Variants in PWWP3B observed in about 807,000 individuals in gnomAD.
PWWP3B encodes the protein PWWP domain-containing DNA repair factor 3B.
A neutral mutation model predicts 15.7 loss-of-function variants in PWWP3B; 5 were observed. The ratio of observed to expected loss-of-function variants is 0.32; its 90% CI spans 0.17 to 0.67. The LOEUF (loss-of-function observed/expected upper bound fraction) is 0.67, where lower values mean the gene tolerates loss of function less well. Among genes scored for constraint, PWWP3B ranks in the 30% least tolerant of loss-of-function variants. PWWP3B has a pLI of 0.74. For missense variants in PWWP3B, 519 were observed against 493.1 expected, an observed-to-expected ratio of 1.05 and a Z score of -0.50; for synonymous variants, 203 against 179.8, an observed-to-expected ratio of 1.13 and a Z score of -1.03.
rs766876354 is a variant in PWWP3B, at chrX:106,206,620, C to T, written c.1188C>T (p.Val396=). The T allele has an allele frequency of 1.2e-5, 15 of 1,208,254 alleles. No homozygotes were observed. In the Admixed American group the frequency reaches 3.3e-4, roughly 27 times the overall value. Residue 396 remains valine (V), a synonymous_variant, in exon 4 of 4, where the codon GTC becomes GTT. Coordinates refer to ENST00000357175, the MANE Select transcript of PWWP3B (RefSeq NM_001171020.2). Reference sequence around the variant, plus strand: ...ATCCGTTTGAAACAGGAATGATAGTCTGGTTTAAATATCAGAAATATCCAT... The same window carrying T: ...ATCCGTTTGAAACAGGAATGATAGTTTGGTTTAAATATCAGAAATATCCAT... The part of the protein sequence containing the change: ...ETHPFETGMI[V]WFKYQKYPFW...
At chrX:106,189,711 G>T (rs749675914) in intron 2 of PWWP3B, among the ~76,000 whole-genome samples, 1 of 103,510 alleles carries the variant, frequency 9.7e-6, no homozygotes, top group Admixed American at 1.1e-4. Context: ...TCTGCCTCCC[G>T]GGTTCACGCC....
intron 2 of PWWP3B, among the ~76,000 whole-genome samples, chrX:106,193,026 A>C (rs1314520862): frequency 1.8e-5 from 2 of 111,347 alleles, no homozygotes; most frequent in Non-Finnish European, 3.8e-5. Flanking sequence ...TTGTTGATTT[A>C]GGGTGGAGAG....
chrX:106,178,718 C>G (rs1336874102), intron 2 of PWWP3B, among the ~76,000 whole-genome samples: 1 of 111,484 alleles, frequency 9.0e-6, no homozygotes, highest in Non-Finnish European at 1.9e-5. Flanking sequence ...TGAGCTTAAG[C>G]AGGACAAAAA....
intron 2 of PWWP3B, among the ~76,000 whole-genome samples, chrX:106,173,318 T>C (rs2147581515): frequency 8.9e-6 from 1 of 111,828 alleles, no homozygotes; most frequent in Non-Finnish European, 1.9e-5. Flanking sequence ...TCCCACACAA[T>C]TCCTTTTTTA....
chrX:106,190,776 TC>T (rs1161367553), intron 2 of PWWP3B, among the ~76,000 whole-genome samples: 1 of 112,081 alleles, frequency 8.9e-6, no homozygotes, highest in Non-Finnish European at 1.9e-5. Flanking sequence ...TAGCCAGTTT[TC>T]CCAGCACTGT....
chrX:106,203,148 A>G (rs989951193), intron 2 of PWWP3B, among the ~76,000 whole-genome samples: 2 of 111,716 alleles, frequency 1.8e-5, no homozygotes, highest in African/African-American at 6.5e-5. Context: ...TTCAAATGAG[A>G]TACATTTATC....
At chrX:106,194,655 T>C (rs938698155) in intron 2 of PWWP3B, among the ~76,000 whole-genome samples, 4 of 111,700 alleles carry the variant, frequency 3.6e-5, no homozygotes, top group African/African-American at 6.5e-5. Flanking sequence ...CTCTTTTTTT[T>C]CCCCATCTTT....
intron 3 of PWWP3B, 30 bp from the exon 4 acceptor site, chrX:106,205,189 C>T: frequency 6.7e-6 from 2 of 298,850 alleles, no homozygotes. Flanking sequence ...TTTGCTGATA[C>T]TTTTCTTCTT....
At chrX:106,175,030 G>C (rs764684551) in intron 2 of PWWP3B, among the ~76,000 whole-genome samples, 1 of 91,382 alleles carries the variant, frequency 1.1e-5, no homozygotes, top group South Asian at 5.8e-4. Flanking sequence ...GACAGAGCAA[G>C]ACTCTGTCTC....
At chrX:106,193,702 G>T (rs1218292597) in intron 2 of PWWP3B, among the ~76,000 whole-genome samples, 1 of 111,873 alleles carries the variant, frequency 8.9e-6, no homozygotes, top group African/African-American at 3.3e-5. Context: ...CATGTTTAGT[G>T]CTTCCTTTAG....
At chrX:106,198,098 C>T (rs961605944) in intron 2 of PWWP3B, among the ~76,000 whole-genome samples, 1 of 111,624 alleles carries the variant, frequency 9.0e-6, no homozygotes, top group East Asian at 2.8e-4. Flanking sequence ...AATTGCTATA[C>T]ATTAAAATCA....
intron 2 of PWWP3B, among the ~76,000 whole-genome samples, chrX:106,199,548 C>T (rs911248811): frequency 1.8e-5 from 2 of 110,951 alleles, no homozygotes; most frequent in African/African-American, 6.6e-5. Context: ...TCCGAAGTCA[C>T]TTTGTGGTCC....
chrX:106,200,631 A>C (rs1602866839), intron 2 of PWWP3B, among the ~76,000 whole-genome samples: 1 of 111,921 alleles, frequency 8.9e-6, no homozygotes, highest in Admixed American at 9.5e-5. Context: ...ACTTAAATTT[A>C]ACATAGAATT....
Position 106,205,317 on chromosome X carries a change from T to G in PWWP3B, c.-116T>G, listed in dbSNP as rs1232565860. On this transcript the variant is annotated 5_prime_UTR_variant, in exon 4 of 4. Coordinates refer to ENST00000357175, the MANE Select transcript of PWWP3B (RefSeq NM_001171020.2). ...ACAAGCTGTAAACCCTTTGTAGTCA[T>G]AAGACGAAAGAGGATTTGTTAAGAG... 1 of 730,095 alleles carries G rather than the reference T, an allele frequency of 1.4e-6. No homozygotes were observed. Among genetic ancestry groups the G allele is most frequent in the Admixed American group, 4.1e-5 (1 of 24,392 alleles). 60.2% of individuals were successfully genotyped at this position (730,095 alleles called of 1,213,427 possible).
chrX:106,207,584 C>G lies in PWWP3B; in HGVS notation c.*61C>G. 1 of 1,040,043 alleles carries G rather than the reference C, an allele frequency of 9.6e-7. No individual in the cohort carries two copies. Among genetic ancestry groups the G allele is most frequent in the South Asian group, 2.6e-5 (1 of 37,937 alleles). 85.7% of individuals were successfully genotyped at this position (1,040,043 alleles called of 1,213,427 possible). On this transcript the variant is annotated 3_prime_UTR_variant, in exon 4 of 4. Transcript: ENST00000357175. Reference sequence around the variant, plus strand: ...CATAGATACTAGTTGAAAAAAGTCTCTGAACAATTCTCTCTAATACATATT... The same window carrying G: ...CATAGATACTAGTTGAAAAAAGTCTGTGAACAATTCTCTCTAATACATATT...
At position 106,207,094 on chromosome X, in the gene PWWP3B, G is replaced by A. The variant is rs377277098; in HGVS notation, c.1662G>A (p.Lys554=). ...RMKAARDRAN[K]NLVDFIVNAK... is the part of the protein sequence containing the mutation. ...AGGCTGCTCGGGACCGAGCCAACAA[G>A]AACCTGGTGGACTTCATTGTGAATG... The change falls in exon 4 of 4, where the codon AAG becomes AAA. Residue 554 remains lysine (K), a synonymous_variant. Coordinates refer to ENST00000357175, the MANE Select transcript of PWWP3B (RefSeq NM_001171020.2). 3.4e-5 allele frequency: 41 copies of A among 1,205,005 alleles called. No individual in the cohort carries two copies. Among genetic ancestry groups the A allele is most frequent in the African/African-American group, 7.0e-5 (4 of 57,236 alleles).
Position 106,205,920 on chromosome X carries a change from C to G in PWWP3B, c.488C>G (p.Ser163Cys), listed in dbSNP as rs762199851. Reference sequence around the variant, plus strand: ...TTAGCATCTTCAGAGAGTGATGATTCCCTGTATGATGATAAATCACAAGCA... The same window carrying G: ...TTAGCATCTTCAGAGAGTGATGATTGCCTGTATGATGATAAATCACAAGCA... Reference protein sequence around the residue: ...CLLASSESDDSLYDDKSQAPT... With the variant: ...CLLASSESDDCLYDDKSQAPT... Residue 163 changes from serine (S) to cysteine (C), a missense_variant, in exon 4 of 4, where the codon TCC becomes TGC. Coordinates refer to ENST00000357175, the MANE Select transcript of PWWP3B (RefSeq NM_001171020.2). 3.3e-6 allele frequency: 4 copies of G among 1,209,313 alleles called. No individual in the cohort carries two copies. In the Admixed American group the frequency reaches 8.8e-5, roughly 26 times the overall value.
At chrX:106,178,735 T>G (rs926492028) in intron 2 of PWWP3B, among the ~76,000 whole-genome samples, 1 of 112,172 alleles carries the variant, frequency 8.9e-6, no homozygotes, top group African/African-American at 3.2e-5. Flanking sequence ...AAAAGCTGAT[T>G]TGAAATAATA....
In PWWP3B at chrX:106,208,136, G is replaced by T. The variant is rs1012210271; in HGVS notation, c.*613G>T. The stretch of plus-strand genomic sequence containing the variant: ...TGTAATTCAAAAATGAAGATTATCT[G>T]CATATAGTATTTATGTGTGTGAATA... On this transcript the variant is annotated 3_prime_UTR_variant, in exon 4 of 4. Transcript: ENST00000357175. 1.4e-4 allele frequency: 17 copies of T among 123,935 alleles called. No homozygotes were observed. The highest frequency in any genetic ancestry group is 2.6e-4 in the Non-Finnish European group (14 of 53,418). 10.2% of individuals were successfully genotyped at this position (123,935 alleles called of 1,213,427 possible).
Sources: allele counts gnomAD v4.1 joint callset (sites outside exome capture counted in the v4.1 genomes callset), GRCh38; gene constraint gnomAD v4.1.1; transcripts MANE v1.5; gene names NCBI Gene and HGNC (gene_info 2026-07-23, HGNC 2026-07-21).